Variants in PIK3C2G observed in about 807,000 individuals in gnomAD.
PIK3C2G encodes the protein phosphatidylinositol 3-kinase C2 domain-containing subunit gamma.
PIK3C2G carries 168 observed loss-of-function variants against 181.1 expected under a neutral mutation model. The ratio of observed to expected loss-of-function variants is 0.93; its 90% CI spans 0.82 to 1.05. The LOEUF (loss-of-function observed/expected upper bound fraction) is 1.05, where lower values mean the gene tolerates loss of function less well. PIK3C2G is among the 50% of genes least tolerant of loss of function. The probability of loss-of-function intolerance (pLI) is 0.00; values close to 1 mark genes in which losing one functional copy is unlikely to be tolerated. For synonymous variants in PIK3C2G, 573 were observed against 592.2 expected (o/e 0.97, Z 0.47); for missense variants, 1,869 against 1,732.8 (o/e 1.08, Z -1.40).
intron 1 of PIK3C2G, among the ~76,000 whole-genome samples, chr12:18,271,321 A>T (rs1948737197): frequency 6.6e-6 from 1 of 151,510 alleles, no homozygotes; most frequent in Admixed American, 6.6e-5. Context: ...TCACACTCTA[A>T]CTCCAGGCTT....
At chr12:18,526,657 T>C (rs1192179343) in intron 24 of PIK3C2G, among the ~76,000 whole-genome samples, 1 of 152,170 alleles carries the variant, frequency 6.6e-6, no homozygotes, top group African/African-American at 2.4e-5. Context: ...TGGTTTTGTT[T>C]TGTTTTTTAA....
chr12:18,676,663 T>C, the PIK3C2G span, among the ~76,000 whole-genome samples: 3 of 152,284 alleles, frequency 2.0e-5, no homozygotes, highest in East Asian at 1.9e-4. Flanking sequence ...AGCAGGACTA[T>C]AGTATAAGCA....
At chr12:18,405,072 T>G (rs1191740310) in intron 16 of PIK3C2G, among the ~76,000 whole-genome samples, 1 of 152,164 alleles carries the variant, frequency 6.6e-6, no homozygotes, top group Non-Finnish European at 1.5e-5. Context: ...GGAAACTTGA[T>G]AGATAATTGC....
intron 15 of PIK3C2G, among the ~76,000 whole-genome samples, chr12:18,399,209 A>AAAAAAAAAAAAAAAAAT (rs1565678343): frequency 2.0e-5 from 3 of 150,578 alleles, no homozygotes; most frequent in Non-Finnish European, 4.4e-5. Context: ...AAAAAAAAAA[A>AAAAAAAAAAAAAAAAAT]ATATGCCATT....
chr12:18,573,349 G>A (rs951402021), intron 29 of PIK3C2G, among the ~76,000 whole-genome samples: 1 of 152,126 alleles, frequency 6.6e-6, no homozygotes, highest in African/African-American at 2.4e-5. Flanking sequence ...CAGCCATCTG[G>A]GGTCCAGACT....
intron 18 of PIK3C2G, among the ~76,000 whole-genome samples, chr12:18,467,216 C>T (rs1351383892): frequency 1.3e-5 from 2 of 151,940 alleles, no homozygotes; most frequent in African/African-American, 4.8e-5. Context: ...TTGCTCAAAG[C>T]TGACAAATCA....
intron 17 of PIK3C2G, among the ~76,000 whole-genome samples, chr12:18,422,518 G>A (rs1319346331): frequency 1.3e-5 from 2 of 152,054 alleles, no homozygotes; most frequent in Non-Finnish European, 2.9e-5. Context: ...CCCTAAGGCT[G>A]TAACAAAACA....
intron 8 of PIK3C2G, among the ~76,000 whole-genome samples, chr12:18,330,178 T>C (rs1405016099): frequency 1.3e-5 from 2 of 152,172 alleles, no homozygotes; most frequent in Non-Finnish European, 2.9e-5. Context: ...GTTTAATTTA[T>C]ATAAAATAAA....
chr12:18,583,542 C>T (rs1395112549), intron 29 of PIK3C2G, among the ~76,000 whole-genome samples: 1 of 152,130 alleles, frequency 6.6e-6, no homozygotes, highest in Non-Finnish European at 1.5e-5. Context: ...GTCCTGCTGT[C>T]TCCAGGCTCT....
chr12:18,664,493 T>A, the PIK3C2G span, among the ~76,000 whole-genome samples: 1 of 152,124 alleles, frequency 6.6e-6, no homozygotes, highest in African/African-American at 2.4e-5. Context: ...TAGAGGGCAT[T>A]ATGCTAAGTG....
At position 18,318,584 on chromosome 12, in the gene PIK3C2G, T is replaced by C. The variant is rs11044025; in HGVS notation, c.1138-2378T>C. 6.8e-4 allele frequency among the ~76,000 whole-genome samples: 103 copies of C among 152,162 alleles called. No homozygotes were observed. In the East Asian group the frequency reaches 0.017, roughly 25 times the overall value. On this transcript the variant is annotated intron_variant, in intron 6 of 32. Transcript: ENST00000538779. ...TTTCTAATAAAACTGTAAAATTGTC[T>C]TGATAGTATTTTTTTCACATAATAC... is the stretch of plus-strand genomic sequence containing the variant.
At chr12:18,398,639 C>CAAAACATG (rs1944037791) in intron 15 of PIK3C2G, among the ~76,000 whole-genome samples, 1 of 152,044 alleles carries the variant, frequency 6.6e-6, no homozygotes, top group Admixed American at 6.6e-5. Context: ...GGAGTGTGAG[C>CAAAACATG]AAAACATGAT....
At chr12:18,279,137 C>CTA (rs1297738874) in intron 1 of PIK3C2G, among the ~76,000 whole-genome samples, 1 of 152,008 alleles carries the variant, frequency 6.6e-6, no homozygotes, top group East Asian at 1.9e-4. Flanking sequence ...ACATGTTATA[C>CTA]TAGTATGTCA....
At chr12:18,438,790 G>A (rs557314405) in intron 18 of PIK3C2G, among the ~76,000 whole-genome samples, 116 of 151,990 alleles carry the variant, frequency 7.6e-4, no homozygotes, top group Admixed American at 1.4e-3. Context: ...CCTCTCCTAA[G>A]CTGGGTAGCC....
intron 18 of PIK3C2G, among the ~76,000 whole-genome samples, chr12:18,435,560 T>C (rs1378895977): frequency 2.0e-5 from 3 of 152,126 alleles, no homozygotes; most frequent in Non-Finnish European, 2.9e-5. Context: ...ATGAGATCCA[T>C]GTTAAGAGAG....
At chr12:18,563,627 C>G in intron 28 of PIK3C2G, 129 bp downstream of exon 28, 1 of 748,958 alleles carries the variant, frequency 1.3e-6, no homozygotes, top group East Asian at 2.7e-5. Flanking sequence ...TTGAATCTAT[C>G]CCAGCAGAGA....
intron 26 of PIK3C2G, 116 bp downstream of exon 26, chr12:18,546,548 A>T (rs573272311): frequency 1.5e-6 from 1 of 653,360 alleles, no homozygotes; most frequent in East Asian, 2.8e-5. Context: ...TGTTTCTAGA[A>T]CAAGCTTGTG....
chr12:18,665,934 CAA>C, the PIK3C2G span, among the ~76,000 whole-genome samples: 2 of 128,440 alleles, frequency 1.6e-5, no homozygotes, highest in Non-Finnish European at 1.6e-5. Context: ...GACTCCATCT[CAA>C]AAAAAAAAAA....
chr12:18,615,373 G>A (rs1019150919), intron 31 of PIK3C2G, among the ~76,000 whole-genome samples: 1 of 90,722 alleles, frequency 1.1e-5, no homozygotes, highest in African/African-American at 3.3e-5. Flanking sequence ...GTGTGTGTAT[G>A]TGTATATATA....
Sources: gnomAD v4.1 joint callset for allele counts (sites outside exome capture counted in the v4.1 genomes callset) on GRCh38, gnomAD v4.1.1 for gene constraint, MANE v1.5 for transcripts, NCBI Gene and HGNC (gene_info 2026-07-23, HGNC 2026-07-21) for gene names.